The following FAM110B variants were observed in gnomAD, a reference collection of about 807,000 sequenced individuals.
The protein encoded by FAM110B is protein FAM110B.
In FAM110B, 6 loss-of-function variants were observed where a neutral mutation model predicts 20.4. The observed-to-expected ratio is 0.29, with a 90% CI of 0.16 to 0.58. The LOEUF is 0.58. Ranked by LOEUF, FAM110B falls within the 20% of genes least tolerant of loss-of-function variation. The probability of loss-of-function intolerance (pLI) is 0.90; values close to 1 mark genes in which losing one functional copy is unlikely to be tolerated. For missense variants in FAM110B, 434 were observed against 498.2 expected, an observed-to-expected ratio of 0.87 and a Z score of 1.23; for synonymous variants, 226 against 214.1, an observed-to-expected ratio of 1.06 and a Z score of -0.49.
chr8:58,130,474 C>A (rs1302025090), intron 3 of FAM110B, among the ~76,000 whole-genome samples: 2 of 152,172 alleles, frequency 1.3e-5, no homozygotes, highest in African/African-American at 4.8e-5. Context: ...GTCACACCAG[C>A]CTTTCCTCCT....
At chr8:58,013,060 C>A (rs2150566477) in intron 1 of FAM110B, among the ~76,000 whole-genome samples, 1 of 152,270 alleles carries the variant, frequency 6.6e-6, no homozygotes, top group East Asian at 1.9e-4. Context: ...CTCCTTCCCC[C>A]CAGACCTGGG....
At chr8:58,042,127 A>G (rs1805235004) in intron 2 of FAM110B, among the ~76,000 whole-genome samples, 1 of 152,268 alleles carries the variant, frequency 6.6e-6, no homozygotes, top group Admixed American at 6.5e-5. Flanking sequence ...AAAAATTTAG[A>G]ACAAGTACTG....
chr8:58,127,481 A>G (rs1807537054), intron 3 of FAM110B, among the ~76,000 whole-genome samples: 1 of 145,794 alleles, frequency 6.9e-6, no homozygotes, highest in African/African-American at 2.8e-5. Flanking sequence ...CATCTGGCCC[A>G]CTTTTCTTAC....
intron 2 of FAM110B, among the ~76,000 whole-genome samples, chr8:58,034,420 A>G (rs1054277839): frequency 4.7e-4 from 72 of 152,120 alleles, no homozygotes; most frequent in African/African-American, 1.6e-3. Flanking sequence ...TTTCCTGTCC[A>G]TTGTTTCAAT....
intron 1 of FAM110B, among the ~76,000 whole-genome samples, chr8:58,014,560 A>G (rs1804601699): frequency 6.6e-6 from 1 of 152,216 alleles, no homozygotes. Flanking sequence ...AAAGGGTTGT[A>G]AAAGTTCTCC....
chr8:58,099,686 T>C (rs756422431), intron 3 of FAM110B, among the ~76,000 whole-genome samples: 6 of 152,176 alleles, frequency 3.9e-5, no homozygotes, highest in Non-Finnish European at 7.3e-5. Context: ...GTTAAGATTT[T>C]TAAATAGATA....
At chr8:58,071,556 G>A (rs1032748226) in intron 2 of FAM110B, among the ~76,000 whole-genome samples, 1 of 152,134 alleles carries the variant, frequency 6.6e-6, no homozygotes, top group African/African-American at 2.4e-5. Context: ...CTGGTTAAAG[G>A]GGTTCTGTAC....
At chr8:58,075,269 T>TGTGTGTGTGTGTGTGTGTGTGTGTG (rs1554521049) in intron 2 of FAM110B, among the ~76,000 whole-genome samples, 5 of 122,364 alleles carry the variant, frequency 4.1e-5, no homozygotes, top group African/African-American at 2.1e-4. Flanking sequence ...TTGCTTTTTT[T>TGTGTGTGTGTGTGTGTGTGTGTGTG]TTTTTTTGTG....
chr8:58,036,063 G>A (rs146096213), intron 2 of FAM110B, among the ~76,000 whole-genome samples: 1 of 152,146 alleles, frequency 6.6e-6, no homozygotes, highest in Non-Finnish European at 1.5e-5. Context: ...CTGCAGTGGT[G>A]ACTTGTATTC....
At position 57,994,643 on chromosome 8, in the gene FAM110B, C is replaced by G. The variant is rs1251864017; in HGVS notation, c.-675C>G. On this transcript the variant is annotated 5_prime_UTR_variant, in exon 1 of 4. Coordinates refer to ENST00000519262, the MANE Select transcript of FAM110B (RefSeq NM_001377989.1). ...GCCCGTTCCGCCAGCCCCGTCTGCT[C>G]TCTACCCGCGGCCCCGCGGCGGCGA... 6.6e-6 allele frequency: 1 copy of G among 152,336 alleles called. No homozygotes were observed. Among genetic ancestry groups the G allele is most frequent in the Non-Finnish European group, 1.5e-5 (1 of 68,224 alleles). The allele number at this position is 152,336 out of a possible 1,614,324, so 9.4% of individuals were successfully genotyped here. A position where few individuals can be genotyped will look rare whatever the true frequency, so the allele number is the denominator to read the frequency against.
chr8:58,079,256 T>A (rs1251022188), intron 3 of FAM110B, among the ~76,000 whole-genome samples: 1 of 152,284 alleles, frequency 6.6e-6, no homozygotes, highest in South Asian at 2.1e-4. Context: ...GAGCCAGGCT[T>A]GCTTTCTGCT....
At chr8:58,064,724 A>G (rs1257976174) in intron 2 of FAM110B, among the ~76,000 whole-genome samples, 1 of 152,210 alleles carries the variant, frequency 6.6e-6, no homozygotes, top group South Asian at 2.1e-4. Context: ...AACTCATTTA[A>G]TCCACACAAC....
intron 3 of FAM110B, chr8:58,113,432 A>G (rs1217932772): frequency 4.6e-5 from 9 of 196,748 alleles, no homozygotes; most frequent in Admixed American, 3.8e-4. Context: ...GTTTGCTGAC[A>G]TTTATAGTGT....
intron 1 of FAM110B, among the ~76,000 whole-genome samples, chr8:58,006,923 A>ATATATATATATATATTT: frequency 7.9e-6 from 1 of 126,518 alleles, no homozygotes; most frequent in African/African-American, 3.0e-5. Flanking sequence ...ATATATATAT[A>ATATATATATATATATTT]TTTTTCCAAA....
At chr8:58,052,600 A>G (rs1409659726) in intron 2 of FAM110B, among the ~76,000 whole-genome samples, 1 of 152,064 alleles carries the variant, frequency 6.6e-6, no homozygotes, top group African/African-American at 2.4e-5. Flanking sequence ...TTGCATTCAA[A>G]TGGTAAAAAT....
intron 3 of FAM110B, among the ~76,000 whole-genome samples, chr8:58,112,555 T>C (rs16923053): frequency 0.065 from 9,868 of 152,238 alleles, 607 homozygotes; most frequent in African/African-American, 0.16. Flanking sequence ...TGGGTGATGA[T>C]TTGACTTTTC....
intron 1 of FAM110B, among the ~76,000 whole-genome samples, chr8:58,008,813 C>T (rs544187383): frequency 6.6e-6 from 1 of 152,256 alleles, no homozygotes; most frequent in African/African-American, 2.4e-5. Flanking sequence ...GGAAGACAGG[C>T]CAGTATCCGC....
chr8:57,999,047 G>T (rs541059174), intron 1 of FAM110B, among the ~76,000 whole-genome samples: 24 of 152,094 alleles, frequency 1.6e-4, no homozygotes, highest in Admixed American at 7.9e-4. Context: ...CTTGTTTTTT[G>T]TTGTTGTTGT....
intron 2 of FAM110B, among the ~76,000 whole-genome samples, chr8:58,048,100 GTTCA>G: frequency 6.6e-6 from 1 of 152,252 alleles, no homozygotes; most frequent in South Asian, 2.1e-4. Flanking sequence ...CTTAAGCGTA[GTTCA>G]TTATTACAGA....
Sources: allele counts gnomAD v4.1 joint callset (sites outside exome capture counted in the v4.1 genomes callset), GRCh38; gene constraint gnomAD v4.1.1; transcripts MANE v1.5; gene names NCBI Gene and HGNC (gene_info 2026-07-23, HGNC 2026-07-21).